The following FOXP1 variants were observed in gnomAD, a reference collection of about 807,000 sequenced individuals.
The protein encoded by FOXP1 is forkhead box P1, also known as forkhead box protein P1.
Under a neutral mutation model 98.2 loss-of-function variants are expected in FOXP1, and 15 were observed. The observed-to-expected ratio is 0.15, with a 90% CI of 0.10 to 0.24. The LOEUF is 0.24. Ranked by LOEUF, FOXP1 falls within the 10% of genes least tolerant of loss-of-function variation. FOXP1 has a pLI of 1.00. For missense variants in FOXP1, 633 were observed against 848.5 expected, an observed-to-expected ratio of 0.75 and a Z score of 3.15; for synonymous variants, 371 against 314.5, an observed-to-expected ratio of 1.18 and a Z score of -1.90.
intron 19 of FOXP1, among the ~76,000 whole-genome samples, chr3:70,967,717 T>TTG (rs2035240690): frequency 3.6e-5 from 5 of 140,718 alleles, no homozygotes; most frequent in African/African-American, 1.4e-4. Context: ...TTTGTTTTTT[T>TTG]TTTTTTTTTT....
At chr3:71,524,143 C>T (rs1193020514) in intron 2 of FOXP1, among the ~76,000 whole-genome samples, 1 of 152,068 alleles carries the variant, frequency 6.6e-6, no homozygotes. Context: ...ATGGCCCCAA[C>T]AAATGTTTAA....
In FOXP1 at chr3:70,956,405, T is replaced by G. The variant is rs1010859935; in HGVS notation, c.*2842A>C. ...GTGATACCTGCAAAGATATGTAAAA[T>G]CTAATTTTTCTTTTTTTTTTTTTTT... On this transcript the variant is annotated 3_prime_UTR_variant, in exon 21 of 21. Transcript: ENST00000649528. 4 of 226,842 alleles carry G rather than the reference T, an allele frequency of 1.8e-5. No individual in the cohort carries two copies. The highest frequency in any genetic ancestry group is 5.8e-5 in the Admixed American group (1 of 17,138). The allele number at this position is 226,842 out of a possible 1,614,324, so 14.1% of individuals were successfully genotyped here.
intron 6 of FOXP1, among the ~76,000 whole-genome samples, chr3:71,148,601 A>G (rs1453588750): frequency 6.6e-6 from 1 of 152,230 alleles, no homozygotes; most frequent in Non-Finnish European, 1.5e-5. Context: ...ATTTAAATGC[A>G]TTACTGTCTT....
intron 3 of FOXP1, among the ~76,000 whole-genome samples, chr3:71,383,518 A>G (rs1378797575): frequency 6.6e-6 from 1 of 152,250 alleles, no homozygotes; most frequent in Non-Finnish European, 1.5e-5. Flanking sequence ...AGGGAAATAC[A>G]TGAAAAGAAT....
intron 11 of FOXP1, among the ~76,000 whole-genome samples, chr3:71,040,901 G>T (rs1391460461): frequency 6.6e-6 from 1 of 152,134 alleles, no homozygotes; most frequent in African/African-American, 2.4e-5. Context: ...CCTTCAAGGG[G>T]AGCAATGTAG....
chr3:71,447,006 T>G (rs1156740735), intron 3 of FOXP1, among the ~76,000 whole-genome samples: 1 of 152,222 alleles, frequency 6.6e-6, no homozygotes, highest in Admixed American at 6.5e-5. Flanking sequence ...TGGGAATGCA[T>G]CCCTAACAGA....
chr3:71,194,572 T>C (rs9866910), intron 6 of FOXP1, among the ~76,000 whole-genome samples: 34,561 of 133,744 alleles, frequency 0.26, 4,448 homozygotes, highest in African/African-American at 0.39. Context: ...GTTCTGGACA[T>C]TTTAAAATCC....
At chr3:71,085,238 G>A (rs138242976) in intron 7 of FOXP1, among the ~76,000 whole-genome samples, 1 of 152,042 alleles carries the variant, frequency 6.6e-6, no homozygotes, top group Non-Finnish European at 1.5e-5. Context: ...AACCTCCCAT[G>A]GTCAAGCAAT....
chr3:70,979,279 CA>C (rs544916383), intron 14 of FOXP1, among the ~76,000 whole-genome samples: 17,523 of 42,434 alleles, frequency 0.41, 2,942 homozygotes, highest in Admixed American at 0.52. Flanking sequence ...GACTCTACCT[CA>C]AAAAAAAAAA....
chr3:71,163,728 A>C (rs1487520806), intron 6 of FOXP1, among the ~76,000 whole-genome samples: 7 of 152,204 alleles, frequency 4.6e-5, no homozygotes, highest in Non-Finnish European at 8.8e-5. Flanking sequence ...TAAAATTCCA[A>C]GTTAAATATT....
chr3:71,202,293 T>C (rs1318386274), intron 5 of FOXP1, among the ~76,000 whole-genome samples: 5 of 152,196 alleles, frequency 3.3e-5, no homozygotes, highest in Non-Finnish European at 7.3e-5. Context: ...AGTCAAGTGC[T>C]AACAGTAGTA....
rs1232198782 is a variant in FOXP1 at position 71,397,015 on chromosome 3, T to TATATACAC, written c.-167-37772_-167-37771insGTGTATAT. 3.3e-3 allele frequency among the ~76,000 whole-genome samples: 266 copies of TATATACAC among 80,176 alleles called. 3 individuals carry two copies. The highest frequency in any genetic ancestry group is 4.9e-3 in the Non-Finnish European group (198 of 40,716). The allele number at this position is 80,176 out of a possible 152,430, so 52.6% of individuals were successfully genotyped here. On this transcript the variant is annotated intron_variant, in intron 3 of 20. Transcript: ENST00000649528. ...ATATACACATATATATGTGTATATA[T>TATATACAC]ATATATATACATATATATGTGTATA...
intron 1 of FOXP1, among the ~76,000 whole-genome samples, chr3:71,583,066 G>T (rs2048317090): frequency 6.6e-6 from 1 of 151,734 alleles, no homozygotes; most frequent in African/African-American, 2.4e-5. Flanking sequence ...CAGGACCCGG[G>T]ACCCCGCACC....
chr3:71,310,392 T>C (rs540138462), intron 4 of FOXP1, among the ~76,000 whole-genome samples: 2 of 152,290 alleles, frequency 1.3e-5, no homozygotes, highest in Non-Finnish European at 2.9e-5. Context: ...CAATAAAGCA[T>C]CATAAATGAT....
intron 3 of FOXP1, among the ~76,000 whole-genome samples, chr3:71,367,807 C>A (rs1195652418): frequency 1.3e-5 from 2 of 152,108 alleles, no homozygotes; most frequent in African/African-American, 4.8e-5. Flanking sequence ...ATTTGACCAC[C>A]AGTCCTTTCC....
intron 19 of FOXP1, chr3:70,969,386 A>G (rs2035690094): frequency 1.3e-5 from 2 of 152,226 alleles, no homozygotes; most frequent in African/African-American, 2.4e-5. Context: ...CTAAAAATAA[A>G]TAAATATAAT....
At chr3:71,343,527 T>A (rs2107792284) in intron 4 of FOXP1, among the ~76,000 whole-genome samples, 1 of 151,672 alleles carries the variant, frequency 6.6e-6, no homozygotes, top group Middle Eastern at 3.4e-3. Flanking sequence ...TTTTTCCCCC[T>A]ACTATGAGTT....
At chr3:71,024,744 CAAT>C (rs762241702) in intron 11 of FOXP1, among the ~76,000 whole-genome samples, 15 of 152,180 alleles carry the variant, frequency 9.9e-5, no homozygotes, top group Non-Finnish European at 1.3e-4. Flanking sequence ...TGATTTTAAA[CAAT>C]GATGGAGATT....
chr3:71,116,975 T>C (rs2058417829), intron 6 of FOXP1, among the ~76,000 whole-genome samples: 1 of 152,248 alleles, frequency 6.6e-6, no homozygotes, highest in Non-Finnish European at 1.5e-5. Flanking sequence ...CAGAGACCTA[T>C]GTTCACCATG....
Sources: allele counts gnomAD v4.1 joint callset (sites outside exome capture counted in the v4.1 genomes callset), GRCh38; gene constraint gnomAD v4.1.1; transcripts MANE v1.5; gene names NCBI Gene and HGNC (gene_info 2026-07-23, HGNC 2026-07-21).